GRIK1: variants seen among roughly 807,000 people sequenced by gnomAD.
GRIK1 encodes glutamate ionotropic receptor kainate type subunit 1, also known as glutamate receptor ionotropic, kainate 1.
A neutral mutation model predicts 105.7 loss-of-function variants in GRIK1; 69 were observed. The ratio of observed to expected loss-of-function variants is 0.65; its 90% confidence interval spans 0.54 to 0.80. The LOEUF is 0.80. GRIK1 is among the 30% of genes least tolerant of loss of function. GRIK1 has a pLI of 0.00. For missense variants in GRIK1, 1,109 were observed against 1,167.3 expected (o/e 0.95, Z 0.73); for synonymous variants, 438 against 431.3 (o/e 1.02, Z -0.19).
At chr21:29,811,099 C>T (rs1275624120) in intron 1 of GRIK1, among the ~76,000 whole-genome samples, 2 of 152,080 alleles carry the variant, frequency 1.3e-5, no homozygotes, top group African/African-American at 4.8e-5. Context: ...CTGCTGCTGG[C>T]TCCGAGTGAA....
intron 1 of GRIK1, among the ~76,000 whole-genome samples, chr21:29,796,317 AT>A: frequency 6.6e-6 from 1 of 152,256 alleles, no homozygotes; most frequent in Middle Eastern, 3.4e-3. Context: ...GTTAATGTCC[AT>A]TTAATGAATG....
rs2066711760 is a variant in GRIK1, at chr21:29,801,556, G to A, written c.119-107493C>T. Among the ~76,000 whole-genome samples, 7 of 152,100 alleles carry A rather than the reference G, an allele frequency of 4.6e-5. No homozygotes were observed. The South Asian group carries it at 1.0e-3, about 22-fold the overall frequency. On this transcript the variant is annotated intron_variant, in intron 1 of 17. Transcript: ENST00000327783. The stretch of plus-strand genomic sequence containing the variant: ...TGTGTACTAACTGGAACTATTTTCA[G>A]TAAAATTATTTTACGGAAATTAGTA...
intron 14 of GRIK1, among the ~76,000 whole-genome samples, chr21:29,563,906 C>A (rs921400705): frequency 3.3e-5 from 5 of 152,160 alleles, no homozygotes; most frequent in Non-Finnish European, 7.3e-5. Context: ...CACCTAATAT[C>A]TAATTCAATG....
intron 1 of GRIK1, among the ~76,000 whole-genome samples, chr21:29,793,170 G>C (rs2066469815): frequency 6.6e-6 from 1 of 152,190 alleles, no homozygotes; most frequent in Non-Finnish European, 1.5e-5. Context: ...CTACATTGTT[G>C]ACTGGGACCT....
chr21:29,733,642 G>T (rs1188545814), intron 1 of GRIK1, among the ~76,000 whole-genome samples: 1 of 151,876 alleles, frequency 6.6e-6, no homozygotes, highest in Non-Finnish European at 1.5e-5. Flanking sequence ...AGTTAAATCT[G>T]AATTATTAAC....
At chr21:29,556,078 A>G (rs1376483633) in intron 15 of GRIK1, among the ~76,000 whole-genome samples, 1 of 152,192 alleles carries the variant, frequency 6.6e-6, no homozygotes, top group Non-Finnish European at 1.5e-5. Flanking sequence ...TGGATTAAAG[A>G]GAGTGTACCC....
chr21:29,830,271 C>G (rs988354655), intron 1 of GRIK1, among the ~76,000 whole-genome samples: 2 of 151,074 alleles, frequency 1.3e-5, no homozygotes, highest in African/African-American at 4.9e-5. Flanking sequence ...GAAATAAACT[C>G]TTGATTAAGC....
chr21:29,828,563 A>G (rs1466731589), intron 1 of GRIK1, among the ~76,000 whole-genome samples: 1 of 152,040 alleles, frequency 6.6e-6, no homozygotes, highest in African/African-American at 2.4e-5. Flanking sequence ...GTGCAGTGGC[A>G]GGATCTTGGT....
At chr21:29,643,800 G>A (rs949398875) in intron 6 of GRIK1, among the ~76,000 whole-genome samples, 9 of 152,002 alleles carry the variant, frequency 5.9e-5, no homozygotes, top group African/African-American at 2.2e-4. Flanking sequence ...AAATACATTA[G>A]CTCATTTGAA....
intron 12 of GRIK1, among the ~76,000 whole-genome samples, chr21:29,585,615 C>T (rs939543129): frequency 1.3e-5 from 2 of 152,102 alleles, no homozygotes; most frequent in Non-Finnish European, 2.9e-5. Context: ...TACTGTTGCC[C>T]TGGGCTGCAT....
intron 1 of GRIK1, among the ~76,000 whole-genome samples, chr21:29,925,085 C>T (rs902029635): frequency 3.3e-5 from 5 of 152,198 alleles, no homozygotes; most frequent in Admixed American, 1.3e-4. Context: ...CTTATTACTA[C>T]GTGATGCCTT....
chr21:29,659,354 C>G (rs1035569032), intron 4 of GRIK1, among the ~76,000 whole-genome samples: 2 of 152,024 alleles, frequency 1.3e-5, no homozygotes, highest in Non-Finnish European at 2.9e-5. Flanking sequence ...AACAGTTTTC[C>G]CCCCCTACCT....
intron 1 of GRIK1, among the ~76,000 whole-genome samples, chr21:29,873,307 A>G (rs1368994042): frequency 6.6e-6 from 1 of 152,216 alleles, no homozygotes; most frequent in Admixed American, 6.5e-5. Flanking sequence ...GGATTTTAAT[A>G]TGTTAAAATC....
intron 5 of GRIK1, among the ~76,000 whole-genome samples, chr21:29,653,910 A>G (rs984788183): frequency 6.6e-6 from 1 of 152,182 alleles, no homozygotes; most frequent in African/African-American, 2.4e-5. Flanking sequence ...TGTCCTCTGC[A>G]CTCTCAAAGA....
chr21:29,707,424 T>TTCCCTCCCTCCCTCCC (rs2063933490), intron 1 of GRIK1, among the ~76,000 whole-genome samples: 1 of 15,154 alleles, frequency 6.6e-5, no homozygotes, highest in African/African-American at 2.5e-4. Flanking sequence ...CTTTCTTTCT[T>TTCCCTCCCTCCCTCCC]TCCCTTCCTC....
chr21:29,632,161 G>T (rs1265551838), intron 7 of GRIK1, among the ~76,000 whole-genome samples: 2 of 152,240 alleles, frequency 1.3e-5, no homozygotes, highest in East Asian at 1.9e-4. Flanking sequence ...TCTGTGAGAA[G>T]TTTTATAATA....
intron 1 of GRIK1, among the ~76,000 whole-genome samples, chr21:29,717,008 G>T (rs887993129): frequency 1.3e-5 from 2 of 152,236 alleles, no homozygotes; most frequent in Non-Finnish European, 2.9e-5. Context: ...AGTTTCAGCT[G>T]TGGCTAAAAG....
At chr21:29,930,506 T>G (rs1328952128) in intron 1 of GRIK1, among the ~76,000 whole-genome samples, 2 of 152,192 alleles carry the variant, frequency 1.3e-5, no homozygotes, top group Non-Finnish European at 2.9e-5. Flanking sequence ...TAAGTATTGA[T>G]TTTTAAAGGC....
chr21:29,841,104 A>G (rs1414322429), intron 1 of GRIK1, among the ~76,000 whole-genome samples: 3 of 152,194 alleles, frequency 2.0e-5, no homozygotes, highest in African/African-American at 7.2e-5. Context: ...AGCTATATTA[A>G]ACACATTTTA....
Sources: gnomAD v4.1 joint callset for allele counts (sites outside exome capture counted in the v4.1 genomes callset) on GRCh38, gnomAD v4.1.1 for gene constraint, MANE v1.5 for transcripts, NCBI Gene and HGNC (gene_info 2026-07-23, HGNC 2026-07-21) for gene names.